The following VPS13B variants were observed in gnomAD, a reference collection of about 807,000 sequenced individuals.
VPS13B encodes intermembrane lipid transfer protein VPS13B.
In VPS13B, 285 loss-of-function variants were observed where a neutral mutation model predicts 426.4. The observed-to-expected ratio is 0.67, with a 90% confidence interval of 0.61 to 0.74. The LOEUF is 0.74. Ranked by LOEUF, VPS13B falls within the 30% of genes least tolerant of loss-of-function variation. The pLI is 0.00. For synonymous variants in VPS13B, 1,676 were observed against 1,676.4 expected (o/e 1.00, Z 0.01); for missense variants, 4,537 against 4,782.6 (o/e 0.95, Z 1.51).
Position 99,863,482 on chromosome 8 carries a change from AAG to A in VPS13B, c.11215+1550_11215+1551del, listed in dbSNP as rs140996868. ...CAGCCCTTATAGGAGCTTCTAGGCA[AAG>A]AGAGAGAGAGAGACCCACCCCTGGG... On this transcript the variant is annotated intron_variant, in intron 58 of 61. Coordinates refer to ENST00000357162, the MANE Select transcript of VPS13B (RefSeq NM_152564.5). Among the ~76,000 whole-genome samples the A allele has an allele frequency of 4.6e-5, 7 of 151,460 alleles. No homozygotes were observed. The East Asian group carries it at 1.2e-3, about 25-fold the overall frequency.
At chr8:99,553,281 T>G (rs1824379664) in intron 30 of VPS13B, among the ~76,000 whole-genome samples, 1 of 152,134 alleles carries the variant, frequency 6.6e-6, no homozygotes, top group Non-Finnish European at 1.5e-5. Context: ...GAAAAAATAC[T>G]TTAGATTTGT....
chr8:99,233,893 AGTCCCCTCTGGG>A, intron 17 of VPS13B: 1 of 783,370 alleles, frequency 1.3e-6, no homozygotes, highest in Non-Finnish European at 2.4e-6. Context: ...ATGCTTCAGA[AGTCCCCTCTGGG>A]GTGGCATGGA....
At position 99,832,377 on chromosome 8, in the gene VPS13B, T is replaced by C. The variant is rs78277780; in HGVS notation, c.9339T>C (p.Arg3113=). The change falls in exon 52 of 62, where the codon CGT becomes CGC. Residue 3113 remains arginine, a synonymous_variant. Coordinates refer to ENST00000357162, the MANE Select transcript of VPS13B (RefSeq NM_152564.5). The stretch of plus-strand genomic sequence containing the variant: ...TTTTTTTTTTTTTTTAGTATTTTCG[T>C]GTTCCAGACAGTGCTACTTTTAGCA... ...CNPHSGKEYF[R]VPDSATFSIC... is the part of the protein sequence containing the mutation. 1 of 1,527,374 alleles carries C rather than the reference T, an allele frequency of 6.5e-7. No individual in the cohort carries two copies. The highest frequency in any genetic ancestry group is 1.4e-5 in the African/African-American group (1 of 70,780). The allele number at this position is 1,527,374 out of a possible 1,614,324, so 94.6% of individuals were successfully genotyped here. A position where few individuals can be genotyped will look rare whatever the true frequency, so the allele number is the denominator to read the frequency against.
chr8:99,401,485 T>C (rs1313290597), intron 21 of VPS13B, among the ~76,000 whole-genome samples: 1 of 152,210 alleles, frequency 6.6e-6, no homozygotes, highest in South Asian at 2.1e-4. Flanking sequence ...TGTTGAGTGT[T>C]CCTGTTCCTT....
At chr8:99,754,132 A>G (rs924651110) in intron 39 of VPS13B, among the ~76,000 whole-genome samples, 6 of 115,808 alleles carry the variant, frequency 5.2e-5, no homozygotes, top group East Asian at 4.9e-4. Flanking sequence ...TTGAAGATGT[A>G]TAGAAGCTTT....
At chr8:99,244,165 A>G (rs1817077831) in intron 17 of VPS13B, among the ~76,000 whole-genome samples, 1 of 152,268 alleles carries the variant, frequency 6.6e-6, no homozygotes, top group African/African-American at 2.4e-5. Context: ...AACTGGAGAC[A>G]AGATGAAAGA....
intron 17 of VPS13B, among the ~76,000 whole-genome samples, chr8:99,240,054 G>A (rs888991686): frequency 1.3e-5 from 2 of 152,132 alleles, no homozygotes; most frequent in African/African-American, 2.4e-5. Context: ...AGAGACTGCT[G>A]TTTCTTGATT....
In VPS13B at chr8:99,823,831, G is replaced by GT. The variant is rs180177329; in HGVS notation, c.9185dup (p.Leu3062PhefsTer20). ...ATTATTTTTTCTCAATTATCTTGTAGTTATGTCAGTTCTGCATTTCCTCCA... is the reference window on the plus strand; with the variant it reads ...ATTATTTTTTCTCAATTATCTTGTAGTTTATGTCAGTTCTGCATTTCCTCCA... On this transcript the variant is annotated frameshift_variant and splice_region_variant. Transcript: ENST00000357162. LOFTEE classifies it high-confidence loss of function. The GT allele has an allele frequency of 6.2e-7, 1 of 1,613,190 alleles. No homozygotes were observed. Among genetic ancestry groups the GT allele is most frequent in the Non-Finnish European group, 8.5e-7 (1 of 1,179,712 alleles).
At chr8:99,644,597 G>C (rs1161301580) in intron 34 of VPS13B, among the ~76,000 whole-genome samples, 1 of 152,008 alleles carries the variant, frequency 6.6e-6, no homozygotes, top group African/African-American at 2.4e-5. Context: ...GAGGAAAAAG[G>C]CTCACATACT....
chr8:99,478,447 G>GTT (rs56261645), intron 24 of VPS13B, among the ~76,000 whole-genome samples: 15 of 85,756 alleles, frequency 1.7e-4, no homozygotes, highest in Middle Eastern at 9.6e-3. Context: ...TTTTTGTTTT[G>GTT]TTTTTTTTTT....
chr8:99,720,182 G>T (rs925299411), intron 37 of VPS13B, among the ~76,000 whole-genome samples, 163 bp from the exon 38 acceptor site: 1 of 151,954 alleles, frequency 6.6e-6, no homozygotes. Context: ...TCAAGCAATA[G>T]AATTTCATCC....
intron 17 of VPS13B, among the ~76,000 whole-genome samples, chr8:99,197,816 C>T (rs1302568874): frequency 6.6e-6 from 1 of 152,052 alleles, no homozygotes; most frequent in Non-Finnish European, 1.5e-5. Flanking sequence ...TTGATTTCAT[C>T]TTTTACCTGT....
chr8:99,767,201 C>G (rs944098531), intron 40 of VPS13B, among the ~76,000 whole-genome samples: 1 of 151,822 alleles, frequency 6.6e-6, no homozygotes, highest in Non-Finnish European at 1.5e-5. Flanking sequence ...TCACTAAGAA[C>G]CTGTTCCTTA....
chr8:99,360,219 TTTCTTTCTTTCTTTCTCTCTC>T (rs1416034281), intron 19 of VPS13B, among the ~76,000 whole-genome samples: 2 of 16,088 alleles, frequency 1.2e-4, no homozygotes, highest in African/African-American at 3.6e-4. Flanking sequence ...TCTTTCTTTC[TTTCTTTCTTTCTTTCTCTCTC>T]TCCTTCCTTC....
chr8:99,739,732 C>A (rs1477915189), intron 39 of VPS13B, among the ~76,000 whole-genome samples: 1 of 152,204 alleles, frequency 6.6e-6, no homozygotes, highest in Non-Finnish European at 1.5e-5. Flanking sequence ...GGACCTCCAG[C>A]AAACTCCAAC....
chr8:99,661,610 C>A, intron 35 of VPS13B, 119 bp downstream of exon 35: 1 of 1,286,994 alleles, frequency 7.8e-7, no homozygotes, highest in Non-Finnish European at 1.1e-6. Context: ...TCATTTTTTC[C>A]CAGAGGTGTA....
chr8:99,026,016 C>T (rs1842119928), intron 2 of VPS13B, among the ~76,000 whole-genome samples: 1 of 151,672 alleles, frequency 6.6e-6, no homozygotes, highest in Admixed American at 6.6e-5. Context: ...TTGTTCTGAT[C>T]CTCATAATAT....
intron 19 of VPS13B, among the ~76,000 whole-genome samples, chr8:99,374,383 TTCTCTC>T (rs1196418943): frequency 2.0e-5 from 3 of 152,062 alleles, no homozygotes; most frequent in Admixed American, 2.0e-4. Flanking sequence ...TTTTTATACT[TTCTCTC>T]TGCTAAAATT....
chr8:99,036,188 T>G (rs577658585), intron 2 of VPS13B, among the ~76,000 whole-genome samples: 1 of 152,252 alleles, frequency 6.6e-6, no homozygotes, highest in East Asian at 1.9e-4. Flanking sequence ...TTGCCTGTTA[T>G]GTTCATTTTA....
Sources: allele counts gnomAD v4.1 joint callset (sites outside exome capture counted in the v4.1 genomes callset), GRCh38; gene constraint gnomAD v4.1.1; transcripts MANE v1.5; gene names NCBI Gene and HGNC (gene_info 2026-07-23, HGNC 2026-07-21).